Variants in MYO1D observed in about 807,000 individuals in gnomAD.
The protein encoded by MYO1D is unconventional myosin-Id.
In MYO1D, 83 loss-of-function variants were observed where a neutral mutation model predicts 122.0. That is an observed-to-expected ratio of 0.68 (90% CI 0.57 to 0.82). MYO1D has a LOEUF of 0.82. MYO1D is among the 40% of genes least tolerant of loss of function. The pLI is 0.00. For synonymous variants in MYO1D, 464 were observed against 446.9 expected (o/e 1.04, Z -0.48); for missense variants, 1,157 against 1,269.5 (o/e 0.91, Z 1.35).
At chr17:32,818,340 G>A (rs1598124313) in intron 1 of MYO1D, among the ~76,000 whole-genome samples, 1 of 152,160 alleles carries the variant, frequency 6.6e-6, no homozygotes, top group Non-Finnish European at 1.5e-5. Flanking sequence ...CAGCAATGCT[G>A]AGCTGTGGTC....
intron 20 of MYO1D, among the ~76,000 whole-genome samples, chr17:32,609,168 C>T (rs1011575393): frequency 1.1e-4 from 16 of 152,330 alleles, no homozygotes; most frequent in African/African-American, 3.8e-4. Flanking sequence ...TAAAAAATTG[C>T]ACACCCTGGC....
chr17:32,725,411 C>T (rs2089560305), intron 14 of MYO1D, among the ~76,000 whole-genome samples: 1 of 151,970 alleles, frequency 6.6e-6, no homozygotes, highest in South Asian at 2.1e-4. Context: ...TCCCAGTTTA[C>T]TCAGGAGGCT....
Position 32,528,576 on chromosome 17 carries a change from C to T in MYO1D, c.2865-33661G>A, listed in dbSNP as rs146453681. Among the ~76,000 whole-genome samples, 1,300 of 152,156 alleles carry T rather than the reference C, an allele frequency of 8.5e-3. 5 individuals are homozygous for T. Among genetic ancestry groups the T allele is most frequent in the East Asian group, 0.04 (210 of 5,186 alleles). On this transcript the variant is annotated intron_variant, in intron 21 of 21. Transcript: ENST00000318217. ...AATCCCTGGAACCTGTGAATGTTAC[C>T]GTACGTGGCAAAAAGGCCTGCAGAT...
At chr17:32,601,015 G>C (rs192063805) in intron 21 of MYO1D, among the ~76,000 whole-genome samples, 3 of 150,302 alleles carry the variant, frequency 2.0e-5, no homozygotes, top group South Asian at 2.1e-4. Flanking sequence ...GCAGTGGCAC[G>C]ATCATCGCTC....
chr17:32,510,522 T>C (rs1909654661), intron 21 of MYO1D: 1 of 152,232 alleles, frequency 6.6e-6, no homozygotes, highest in African/African-American at 2.4e-5. Flanking sequence ...TTGTATGCAT[T>C]TTTTACTATT....
chr17:32,577,028 T>C (rs898698837), intron 21 of MYO1D, among the ~76,000 whole-genome samples: 8 of 151,978 alleles, frequency 5.3e-5, no homozygotes, highest in African/African-American at 1.2e-4. Flanking sequence ...GGCAGGTGGA[T>C]TGCCTGAGCT....
At chr17:32,827,242 A>G (rs2090730504) in intron 1 of MYO1D, among the ~76,000 whole-genome samples, 2 of 152,248 alleles carry the variant, frequency 1.3e-5, no homozygotes, top group Admixed American at 6.5e-5. Flanking sequence ...ATGCTATAAC[A>G]TGGATAAACC....
At chr17:32,856,926 T>A (rs1198915379) in intron 1 of MYO1D, among the ~76,000 whole-genome samples, 1 of 152,156 alleles carries the variant, frequency 6.6e-6, no homozygotes, top group Middle Eastern at 3.2e-3. Context: ...CATACAGTCA[T>A]CCCCTCCCCC....
intron 15 of MYO1D, among the ~76,000 whole-genome samples, chr17:32,719,871 T>G (rs1327076087): frequency 6.6e-6 from 1 of 152,174 alleles, no homozygotes; most frequent in East Asian, 1.9e-4. Flanking sequence ...GTCCTGTCAG[T>G]GTCCTCCAAC....
chr17:32,667,220 TTGAC>T (rs1256784714), intron 16 of MYO1D, among the ~76,000 whole-genome samples: 6 of 152,200 alleles, frequency 3.9e-5, no homozygotes, highest in Non-Finnish European at 8.8e-5. Flanking sequence ...TATTTCATGA[TTGAC>T]TGATGAAGGG....
chr17:32,841,411 G>A (rs1415564865), intron 1 of MYO1D, among the ~76,000 whole-genome samples: 1 of 151,804 alleles, frequency 6.6e-6, no homozygotes, highest in East Asian at 1.9e-4. Flanking sequence ...AGACTGCAGT[G>A]AGCTATGGTT....
chr17:32,618,066 G>C (rs1268073359), intron 20 of MYO1D, among the ~76,000 whole-genome samples: 1 of 152,156 alleles, frequency 6.6e-6, no homozygotes, highest in African/African-American at 2.4e-5. Flanking sequence ...TAGGCTCTCT[G>C]TGACTGCACG....
chr17:32,848,783 G>A (rs1200712934), intron 1 of MYO1D, among the ~76,000 whole-genome samples: 2 of 152,082 alleles, frequency 1.3e-5, no homozygotes, highest in South Asian at 2.1e-4. Context: ...TCTTGCCATA[G>A]TAGGTAGCTG....
Position 32,771,161 on chromosome 17 carries a change from T to G in MYO1D, c.678A>C (p.Ser226=). 6.2e-7 allele frequency: 1 copy of G among 1,611,564 alleles called. No homozygotes were observed. The highest frequency in any genetic ancestry group is 8.5e-7 in the Non-Finnish European group (1 of 1,177,840). Residue 226 remains serine, a synonymous_variant, in exon 6 of 22, where the codon TCA becomes TCC. Transcript: ENST00000318217. Reference sequence around the variant, plus strand: ...CTCCCACATGAATATAGTTGTAGGATGAAAGGGATTTCTGGAGATGTAGAG... The same window carrying G: ...CTCCCACATGAATATAGTTGTAGGAGGAAAGGGATTTCTGGAGATGTAGAG... ...LRSLHLQKSL[S]SYNYIHVGAQ...
chr17:32,497,326 C>T (rs535304492), intron 21 of MYO1D, among the ~76,000 whole-genome samples: 45 of 152,200 alleles, frequency 3.0e-4, no homozygotes, highest in African/African-American at 1.1e-3. Context: ...GTGTGGTGGC[C>T]TGTGCTTGTA....
At chr17:32,540,320 A>ATT (rs1555623929) in intron 21 of MYO1D, among the ~76,000 whole-genome samples, 1 of 125,812 alleles carries the variant, frequency 7.9e-6, no homozygotes, top group Non-Finnish European at 1.6e-5. Flanking sequence ...ACAGAGAGAG[A>ATT]CTATCTCAAA....
At chr17:32,738,528 C>T in intron 13 of MYO1D, 143 bp from the exon 14 acceptor site, 2 of 848,816 alleles carry the variant, frequency 2.4e-6, no homozygotes, top group South Asian at 3.5e-5. Context: ...AATGATGATT[C>T]CATCCAGAAA....
At chr17:32,683,902 C>A (rs1400037957) in intron 16 of MYO1D, among the ~76,000 whole-genome samples, 1 of 151,996 alleles carries the variant, frequency 6.6e-6, no homozygotes, top group Non-Finnish European at 1.5e-5. Context: ...CAGCGAGACT[C>A]CGTGGGCGTA....
At position 32,605,081 on chromosome 17, in the gene MYO1D, C is replaced by T. The variant is rs780046067; in HGVS notation, c.2864+6G>A. 7.5e-5 allele frequency: 118 copies of T among 1,570,186 alleles called. 1 individual carries two copies. The East Asian group carries it at 2.5e-3, about 33-fold the overall frequency. On this transcript the variant is annotated splice_donor_region_variant and intron_variant, in intron 21 of 21. Coordinates refer to ENST00000318217, the MANE Select transcript of MYO1D (RefSeq NM_015194.3). ...ACGTGTCTTAGTTACAAAAATCAAA[C>T]TTTACCTCTTGAAATGATTCACCAG...
Sources: allele counts gnomAD v4.1 joint callset (sites outside exome capture counted in the v4.1 genomes callset), GRCh38; gene constraint gnomAD v4.1.1; transcripts MANE v1.5; gene names NCBI Gene and HGNC (gene_info 2026-07-23, HGNC 2026-07-21).